XKR6: variants seen among roughly 807,000 people sequenced by gnomAD.
The protein encoded by XKR6 is XK-related protein 6.
In XKR6, 22 loss-of-function variants were observed where a neutral mutation model predicts 56.7. The ratio of observed to expected loss-of-function variants is 0.39; its 90% CI spans 0.28 to 0.55. XKR6 has a LOEUF of 0.55. Ranked by LOEUF, XKR6 falls within the 20% of genes least tolerant of loss-of-function variation. The pLI, the probability that XKR6 is intolerant of heterozygous loss-of-function variation, is 0.66. For synonymous variants in XKR6, 524 were observed against 387.8 expected, an observed-to-expected ratio of 1.35 and a Z score of -4.13; for missense variants, 852 against 889.0, an observed-to-expected ratio of 0.96 and a Z score of 0.53.
In XKR6 at chr8:10,898,392, C is replaced by A; in HGVS notation, c.1486G>T (p.Gly496Cys). The A allele has an allele frequency of 6.2e-7, 1 of 1,613,994 alleles. No homozygotes were observed. The highest frequency in any genetic ancestry group is 8.5e-7 in the Non-Finnish European group (1 of 1,180,004). ...CGTGGTCCTGTGGGATGCAGCACGC[C>A]ATAGTATAAGAGCATCATTGCGATC... ...AGIAMMLLYY[G>C]VLHPTGPRAK... Residue 496 changes from glycine (G) to cysteine (C), a missense_variant, in exon 3 of 3, where the codon GGC becomes TGC. Transcript: ENST00000416569. This position sits in a 1 kb window ranked among gnomAD's most constrained non-coding sequence, Gnocchi z 6.6.
chr8:11,047,713 C>A (rs923692350), intron 1 of XKR6, among the ~76,000 whole-genome samples: 1 of 152,142 alleles, frequency 6.6e-6, no homozygotes, highest in Non-Finnish European at 1.5e-5. Context: ...GATGGTTGCA[C>A]AACAGCGCGA....
intron 1 of XKR6, among the ~76,000 whole-genome samples, chr8:11,045,381 C>T (rs1268845892): frequency 6.6e-6 from 1 of 152,118 alleles, no homozygotes; most frequent in East Asian, 1.9e-4. Flanking sequence ...AGCCACTGTG[C>T]ATGGCCTCAA....
chr8:10,922,082 G>A (rs548340905), intron 2 of XKR6, among the ~76,000 whole-genome samples: 1 of 152,244 alleles, frequency 6.6e-6, no homozygotes, highest in African/African-American at 2.4e-5. Flanking sequence ...GCCCTCATTA[G>A]GCAGCTGAAC....
intron 1 of XKR6, among the ~76,000 whole-genome samples, chr8:11,180,123 G>C (rs550624801): frequency 1.3e-5 from 2 of 152,268 alleles, no homozygotes; most frequent in Non-Finnish European, 2.9e-5. Context: ...ATGGGCGACA[G>C]ACTGAGACCC....
chr8:10,911,783 G>GTA (rs1363895440), intron 2 of XKR6, among the ~76,000 whole-genome samples: 2 of 150,316 alleles, frequency 1.3e-5, no homozygotes, highest in African/African-American at 4.9e-5. Flanking sequence ...AGAGAGGTGT[G>GTA]TATATATAGA....
chr8:11,075,303 ACT>A (rs1364623092), intron 1 of XKR6, among the ~76,000 whole-genome samples: 2 of 152,112 alleles, frequency 1.3e-5, no homozygotes, highest in Non-Finnish European at 2.9e-5. Context: ...GACTTTGCTC[ACT>A]CTGCCCTCCG....
At chr8:10,983,067 G>A (rs1422005002) in intron 1 of XKR6, among the ~76,000 whole-genome samples, 1 of 152,076 alleles carries the variant, frequency 6.6e-6, no homozygotes, top group Non-Finnish European at 1.5e-5. Flanking sequence ...CTTGCAATTT[G>A]TAAATAATAC....
At chr8:11,037,709 T>C (rs1422801794) in intron 1 of XKR6, among the ~76,000 whole-genome samples, 1 of 152,094 alleles carries the variant, frequency 6.6e-6, no homozygotes, top group Non-Finnish European at 1.5e-5. Context: ...AATACAAAAA[T>C]TGGCTGGGCA....
intron 1 of XKR6, chr8:11,195,099 C>T: frequency 1.4e-6 from 1 of 702,832 alleles, no homozygotes; most frequent in Non-Finnish European, 2.6e-6. Flanking sequence ...ACCCTCACAG[C>T]TAAGCAAGTA....
At chr8:10,988,788 C>G (rs376320461) in intron 1 of XKR6, among the ~76,000 whole-genome samples, 10 of 152,160 alleles carry the variant, frequency 6.6e-5, no homozygotes, top group Non-Finnish European at 1.5e-4. Context: ...AACATAACCT[C>G]AAAACATGTG....
intron 1 of XKR6, among the ~76,000 whole-genome samples, chr8:11,088,200 C>G (rs780090549): frequency 2.0e-5 from 3 of 152,190 alleles, no homozygotes; most frequent in African/African-American, 7.2e-5. Flanking sequence ...AAATCCACAC[C>G]TCTGTATCAC....
rs1465710146 is a variant in XKR6, at chr8:11,188,784, T to C, written c.764+11792A>G. Reference sequence around the variant, plus strand: ...GCAGAGGATCTAACCCTCCCTGCCCTGTGCAAGTCCACAGACCCCAGGCCC... The same window carrying C: ...GCAGAGGATCTAACCCTCCCTGCCCCGTGCAAGTCCACAGACCCCAGGCCC... On this transcript the variant is annotated intron_variant, in intron 1 of 2. Transcript: ENST00000416569. Among the ~76,000 whole-genome samples, 3 of 152,210 alleles carry C rather than the reference T, an allele frequency of 2.0e-5. No individual in the cohort carries two copies. In the East Asian group the frequency reaches 5.8e-4, roughly 29 times the overall value.
intron 1 of XKR6, among the ~76,000 whole-genome samples, chr8:11,159,740 G>C (rs778682087): frequency 1.3e-5 from 2 of 152,200 alleles, no homozygotes; most frequent in African/African-American, 2.4e-5. Flanking sequence ...TGGCAACTGC[G>C]TATCTCTAAG....
chr8:11,110,036 A>C (rs1480779108), intron 1 of XKR6, among the ~76,000 whole-genome samples: 2 of 152,088 alleles, frequency 1.3e-5, no homozygotes, highest in Admixed American at 1.3e-4. Context: ...GCAGTGACAC[A>C]ATCTCGGCTT....
chr8:10,924,545 C>T lies in XKR6; in HGVS notation c.961+89G>A, dbSNP rs546913542. ...GGCAGGATGGGCAATGCCCACAGAGCGTGCCAGGCACGAAGTGTGTGGGAG... is the reference window on the plus strand; with the variant it reads ...GGCAGGATGGGCAATGCCCACAGAGTGTGCCAGGCACGAAGTGTGTGGGAG... On this transcript the variant is annotated intron_variant, in intron 2 of 2. Transcript: ENST00000416569. The T allele has an allele frequency of 7.5e-4, 1,107 of 1,474,558 alleles. 19 individuals are homozygous for T. In the South Asian group the frequency reaches 0.011, roughly 14 times the overall value. The allele number at this position is 1,474,558 out of a possible 1,614,324, so 91.3% of individuals were successfully genotyped here.
chr8:11,095,036 TAAAGTA>T (rs1436171022), intron 1 of XKR6, among the ~76,000 whole-genome samples: 4 of 152,092 alleles, frequency 2.6e-5, no homozygotes, highest in African/African-American at 7.2e-5. Context: ...CCTCTGAACT[TAAAGTA>T]AAAGTTGGAA....
At chr8:10,946,214 T>C (rs558083529) in intron 1 of XKR6, among the ~76,000 whole-genome samples, 1 of 152,008 alleles carries the variant, frequency 6.6e-6, no homozygotes, top group South Asian at 2.1e-4. Context: ...CCATGGGGAA[T>C]GGGGGTGAGA....
At chr8:11,197,054 T>A (rs1468024468) in intron 1 of XKR6, among the ~76,000 whole-genome samples, 1 of 152,252 alleles carries the variant, frequency 6.6e-6, no homozygotes, top group Non-Finnish European at 1.5e-5. Context: ...ACCGCTCAAC[T>A]GGATGGTGCC....
intron 1 of XKR6, among the ~76,000 whole-genome samples, chr8:11,152,971 C>T (rs1352052075): frequency 1.5e-4 from 23 of 152,138 alleles, no homozygotes; most frequent in Admixed American, 1.4e-3. Flanking sequence ...CAGAATGCCA[C>T]GGTTTGGTTT....
Sources: gnomAD v4.1 joint callset for allele counts (sites outside exome capture counted in the v4.1 genomes callset) on GRCh38, gnomAD v4.1.1 for gene constraint, Gnocchi (gnomAD v3.1) non-coding constraint, MANE v1.5 for transcripts, NCBI Gene and HGNC (gene_info 2026-07-23, HGNC 2026-07-21) for gene names.